AK9: variants seen among roughly 807,000 people sequenced by gnomAD.
AK9 encodes adenylate kinase 9, also known as adenylate kinase domain containing 1.
AK9 carries 191 observed loss-of-function variants against 239.6 expected under a neutral mutation model. That is an observed-to-expected ratio of 0.80 (90% CI 0.71 to 0.90). AK9 has a LOEUF of 0.90. AK9 is among the 40% of genes least tolerant of loss of function. The probability of loss-of-function intolerance (pLI) is 0.00; values close to 1 mark genes in which losing one functional copy is unlikely to be tolerated. For synonymous variants in AK9, 689 were observed against 721.0 expected (o/e 0.96, Z 0.71); for missense variants, 1,995 against 2,214.7 (o/e 0.90, Z 1.99).
intron 15 of AK9, among the ~76,000 whole-genome samples, chr6:109,613,171 CA>C (rs963651895): frequency 6.6e-6 from 1 of 150,916 alleles, no homozygotes; most frequent in Non-Finnish European, 1.5e-5. Context: ...AAGAAAGCAA[CA>C]AAGAGAAAAT....
intron 28 of AK9, 113 bp from the exon 29 acceptor site, chr6:109,529,186 G>A (rs1780918359): frequency 1.1e-5 from 13 of 1,202,870 alleles, no homozygotes; most frequent in African/African-American, 1.5e-5. Flanking sequence ...GAAGCACAGT[G>A]AACTTTGCAG....
chr6:109,502,357 C>T (rs1198046671), intron 35 of AK9, among the ~76,000 whole-genome samples: 1 of 152,106 alleles, frequency 6.6e-6, no homozygotes, highest in African/African-American at 2.4e-5. Context: ...GGGAGAATGA[C>T]ATGTGAAGAC....
At chr6:109,528,854 G>T (rs975071595) in intron 29 of AK9, 157 bp downstream of exon 29, 1 of 1,318,566 alleles carries the variant, frequency 7.6e-7, no homozygotes, top group East Asian at 2.7e-5. Flanking sequence ...GGGTGTGATG[G>T]CTCATGCCTG....
rs557786910 is a variant in AK9, at chr6:109,583,447, A to T, written c.2114+1676T>A. Among the ~76,000 whole-genome samples the T allele has an allele frequency of 3.3e-5, 5 of 152,252 alleles. No homozygotes were observed. The South Asian group carries it at 1.0e-3, about 32-fold the overall frequency. ...CAAGATGCAGTTCTTAATCCTGTTA[A>T]GTTTCTCTCTTTTCTAACCAACCTA... On this transcript the variant is annotated intron_variant, in intron 19 of 40. Transcript: ENST00000424296.
intron 28 of AK9, 130 bp downstream of exon 28, chr6:109,533,120 GA>G: frequency 1.5e-6 from 1 of 670,896 alleles, no homozygotes; most frequent in African/African-American, 1.8e-5. Context: ...CTTAATATTC[GA>G]TGAAAAATAT....
intron 1 of AK9, among the ~76,000 whole-genome samples, chr6:109,686,094 T>G (rs180882286): frequency 6.6e-6 from 1 of 152,284 alleles, no homozygotes; most frequent in African/African-American, 2.4e-5. Flanking sequence ...CAATTTGTAT[T>G]CACTTAGAGC....
chr6:109,579,962 T>C (rs528509472), intron 19 of AK9, among the ~76,000 whole-genome samples: 1 of 152,322 alleles, frequency 6.6e-6, no homozygotes, highest in Admixed American at 6.5e-5. Context: ...CACAATATAA[T>C]GTCAAGTAAG....
Position 109,516,061 on chromosome 6 carries a change from C to A in AK9, c.3861G>T (p.Arg1287Ser), listed in dbSNP as rs780302451. ...NLQIIQDELE[R>S]YLIPIISING... Reference sequence around the variant, plus strand: ...TAATGGAAATTATTGGTATCAAATACCTCTCAAGTTCATCCTGATAAGAAA... The same window carrying A: ...TAATGGAAATTATTGGTATCAAATAACTCTCAAGTTCATCCTGATAAGAAA... The change falls in exon 31 of 41, where the codon AGG becomes AGT. Residue 1287 changes from arginine (R) to serine (S), a missense_variant. This residue lies in a region of AK9 where 1,290 missense variants were observed against 1,392.7 expected (regional missense o/e 0.93). Transcript: ENST00000424296. The A allele has an allele frequency of 1.9e-6, 3 of 1,549,030 alleles. No homozygotes were observed. In the South Asian group the frequency reaches 3.6e-5, roughly 18 times the overall value.
intron 9 of AK9, among the ~76,000 whole-genome samples, chr6:109,642,764 G>T (rs1797615251): frequency 6.6e-6 from 1 of 152,180 alleles, no homozygotes; most frequent in South Asian, 2.1e-4. Flanking sequence ...AAGGAGAACG[G>T]TGGGAGAAGC....
At chr6:109,630,858 A>G (rs1185337766) in intron 12 of AK9, among the ~76,000 whole-genome samples, 1 of 152,146 alleles carries the variant, frequency 6.6e-6, no homozygotes, top group Non-Finnish European at 1.5e-5. Context: ...AAGAAAAGAA[A>G]AAAAAAGAAA....
intron 17 of AK9, among the ~76,000 whole-genome samples, chr6:109,603,434 C>G (rs1481619633): frequency 6.6e-6 from 1 of 152,176 alleles, no homozygotes; most frequent in Non-Finnish European, 1.5e-5. Flanking sequence ...CCTCTGGAAG[C>G]TTCGTCTCAG....
intron 10 of AK9, among the ~76,000 whole-genome samples, chr6:109,641,032 C>G (rs1256845899): frequency 6.6e-6 from 1 of 151,614 alleles, no homozygotes; most frequent in Admixed American, 6.6e-5. Context: ...TGTGTTGTGT[C>G]TAATATCTGA....
At chr6:109,687,212 C>G (rs576912048) in intron 1 of AK9, among the ~76,000 whole-genome samples, 1 of 152,002 alleles carries the variant, frequency 6.6e-6, no homozygotes, top group African/African-American at 2.4e-5. Context: ...GAGGACAATG[C>G]GGATTGGTTT....
At chr6:109,640,941 C>T (rs1276814984) in intron 10 of AK9, among the ~76,000 whole-genome samples, 4 of 152,078 alleles carry the variant, frequency 2.6e-5, no homozygotes, top group East Asian at 3.9e-4. Flanking sequence ...TTCTTTGGTG[C>T]TGCAAATTTT....
chr6:109,573,297 T>A (rs938491842), intron 21 of AK9, 145 bp downstream of exon 21: 1 of 837,864 alleles, frequency 1.2e-6, no homozygotes, highest in African/African-American at 1.8e-5. Flanking sequence ...ACTGTGGGAT[T>A]TGGACTCAAT....
intron 12 of AK9, among the ~76,000 whole-genome samples, chr6:109,621,081 G>A (rs1230831562): frequency 6.7e-6 from 1 of 149,786 alleles, no homozygotes; most frequent in Non-Finnish European, 1.5e-5. Context: ...AGTGGGTGAA[G>A]GACATGAACA....
At chr6:109,567,515 G>T (rs1000830406) in intron 21 of AK9, among the ~76,000 whole-genome samples, 1 of 152,042 alleles carries the variant, frequency 6.6e-6, no homozygotes, top group Non-Finnish European at 1.5e-5. Context: ...ATAGGAGCTG[G>T]TACCATTCCT....
intron 8 of AK9, among the ~76,000 whole-genome samples, chr6:109,654,117 T>C (rs563007633): frequency 2.6e-4 from 40 of 152,246 alleles, no homozygotes; most frequent in African/African-American, 9.6e-4. Context: ...CTCTCTTCCA[T>C]TGCTTTTAGA....
At position 109,644,630 on chromosome 6, in the gene AK9, G is replaced by A; in HGVS notation, c.818C>T (p.Ala273Val). ...TGCACTCACCATAAAGAGCTCCTCT[G>A]CTGGTTTATTTCCATTTAGCTCAAT... ...YLIELNGNKP[A>V]EELFMIVMDR... is the part of the protein sequence containing the mutation. Residue 273 changes from alanine (A) to valine (V), a missense_variant, in exon 9 of 41, where the codon GCA becomes GTA. Ala to Val is a moderately conservative substitution (Grantham distance 64). Transcript: ENST00000424296. 1 of 1,611,982 alleles carries A rather than the reference G, an allele frequency of 6.2e-7. No individual in the cohort carries two copies. Among genetic ancestry groups the A allele is most frequent in the Non-Finnish European group, 8.5e-7 (1 of 1,179,744 alleles).
Sources: allele counts gnomAD v4.1 joint callset (sites outside exome capture counted in the v4.1 genomes callset), GRCh38; gene constraint gnomAD v4.1.1; regional missense constraint gnomAD v4.1.1; transcripts MANE v1.5; gene names NCBI Gene and HGNC (gene_info 2026-07-23, HGNC 2026-07-21).